Variants in METRNL observed in about 807,000 individuals in gnomAD.
METRNL encodes meteorin-like protein.
Under a neutral mutation model 17.4 loss-of-function variants are expected in METRNL, and 9 were observed. That is an observed-to-expected ratio of 0.52 (90% confidence interval 0.31 to 0.90). The LOEUF (loss-of-function observed/expected upper bound fraction) is 0.90. METRNL is among the 40% of genes least tolerant of loss of function. The pLI is 0.05. For missense variants in METRNL, 408 were observed against 430.7 expected (o/e 0.95, Z 0.47); for synonymous variants, 215 against 199.3 (o/e 1.08, Z -0.66).
At chr17:83,088,645 G>T (rs896250865) in intron 2 of METRNL, among the ~76,000 whole-genome samples, 9 of 151,810 alleles carry the variant, frequency 5.9e-5, no homozygotes, top group African/African-American at 1.9e-4. Flanking sequence ...TCATGAGCAC[G>T]TGGTGCCGTC....
intron 2 of METRNL, among the ~76,000 whole-genome samples, chr17:83,091,923 T>C (rs4986109): frequency 0.37 from 56,971 of 152,120 alleles, 11,227 homozygotes; most frequent in East Asian, 0.6. Context: ...AACCATGTTT[T>C]CCAAGTCCGT....
chr17:83,083,125 G>T (rs569340112), intron 1 of METRNL, among the ~76,000 whole-genome samples: 44 of 152,366 alleles, frequency 2.9e-4, no homozygotes, highest in African/African-American at 1.0e-3. Flanking sequence ...GTGCCCACCA[G>T]ATGCGGGTAG....
chr17:83,088,703 A>G (rs1402836811), intron 2 of METRNL, among the ~76,000 whole-genome samples: 3 of 151,418 alleles, frequency 2.0e-5, no homozygotes, highest in East Asian at 2.0e-4. Flanking sequence ...AGGGGCCTCA[A>G]CGCCTCCCCC....
chr17:83,082,204 G>T, intron 1 of METRNL: 1 of 985,406 alleles, frequency 1.0e-6, no homozygotes, highest in Non-Finnish European at 1.2e-6. Flanking sequence ...TCGCAGGTGC[G>T]GTCACACCTG....
rs1008147064 is a variant in METRNL at position 83,080,050 on chromosome 17, G to A, written c.170+65G>A. Reference sequence around the variant, plus strand: ...CTCGCGTCCCCTCCCGTCCCGGGCCGGCCGAGCGTGCGGGGGCGCGGCCGG... The same window carrying A: ...CTCGCGTCCCCTCCCGTCCCGGGCCAGCCGAGCGTGCGGGGGCGCGGCCGG... On this transcript the variant is annotated intron_variant, in intron 1 of 3. Transcript: ENST00000320095. The A allele has an allele frequency of 3.8e-5, 37 of 969,240 alleles. No homozygotes were observed. The East Asian group carries it at 3.5e-3, about 91-fold the overall frequency. The allele number at this position is 969,240 out of a possible 1,614,324, so 60.0% of individuals were successfully genotyped here. A position where few individuals can be genotyped will look rare whatever the true frequency, so the allele number is the denominator to read the frequency against.
In METRNL at chr17:83,085,059, T is replaced by A; in HGVS notation, c.292T>A (p.Phe98Ile). 1 of 1,613,912 alleles carries A rather than the reference T, an allele frequency of 6.2e-7. No individual in the cohort carries two copies. The highest frequency in any genetic ancestry group is 8.5e-7 in the Non-Finnish European group (1 of 1,180,018). The change falls in exon 2 of 4, where the codon TTC becomes ATC. Residue 98 changes from phenylalanine (F) to isoleucine (I), a missense_variant. Coordinates refer to ENST00000320095, the MANE Select transcript of METRNL (RefSeq NM_001004431.3). ...ALIVNLRPNT[F>I]SPARHLTVCI... ...CATCGTTAACCTGCGGCCCAACACC[T>A]TCTCGCCTGCCCGGCACCTGACCGT...
chr17:83,084,981 T>C lies in METRNL; in HGVS notation c.214T>C (p.Tyr72His). 1.2e-6 allele frequency: 2 copies of C among 1,613,822 alleles called. No homozygotes were observed. The highest frequency in any genetic ancestry group is 1.7e-6 in the Non-Finnish European group (2 of 1,179,998). ...ACACAGGAAGGAGGTGGAGCAGGTG[T>C]ATCTGCGCTGTGCGGCGGGTGCCGT... ...EAHRKEVEQV[Y>H]LRCAAGAVEW... is the part of the protein sequence containing the mutation. Residue 72 changes from tyrosine (Y) to histidine (H), a missense_variant, in exon 2 of 4, where the codon TAT (tyrosine) becomes CAT (histidine). Transcript: ENST00000320095.
intron 2 of METRNL, among the ~76,000 whole-genome samples, chr17:83,092,832 A>T (rs2038156102): frequency 6.6e-6 from 1 of 152,006 alleles, no homozygotes. Flanking sequence ...CCTCCCCACG[A>T]AGGCCCTGGG....
At chr17:83,082,583 C>G (rs1368096722) in intron 1 of METRNL, among the ~76,000 whole-genome samples, 1 of 152,254 alleles carries the variant, frequency 6.6e-6, no homozygotes, top group Non-Finnish European at 1.5e-5. Context: ...CACAGCAGAA[C>G]TGTGTCACCT....
At chr17:83,083,136 C>T (rs1258925845) in intron 1 of METRNL, among the ~76,000 whole-genome samples, 3 of 152,238 alleles carry the variant, frequency 2.0e-5, no homozygotes, top group African/African-American at 4.8e-5. Flanking sequence ...ATGCGGGTAG[C>T]ATGTGCTAGG....
intron 2 of METRNL, among the ~76,000 whole-genome samples, chr17:83,088,645 G>C (rs896250865): frequency 4.0e-5 from 6 of 151,810 alleles, no homozygotes; most frequent in Non-Finnish European, 8.8e-5. Context: ...TCATGAGCAC[G>C]TGGTGCCGTC....
Sources: allele counts gnomAD v4.1 joint callset (sites outside exome capture counted in the v4.1 genomes callset), GRCh38; gene constraint gnomAD v4.1.1; transcripts MANE v1.5; gene names NCBI Gene and HGNC (gene_info 2026-07-23, HGNC 2026-07-21).